GPC6: variants seen among roughly 807,000 people sequenced by gnomAD.
The protein encoded by GPC6 is glypican 6.
A neutral mutation model predicts 55.2 loss-of-function variants in GPC6; 14 were observed. The observed-to-expected ratio is 0.25, with a 90% CI of 0.17 to 0.40. The LOEUF (loss-of-function observed/expected upper bound fraction) is 0.40. Among genes scored for constraint, GPC6 ranks in the 10% least tolerant of loss-of-function variants. GPC6 has a pLI of 1.00. For missense variants in GPC6, 641 were observed against 708.5 expected, an observed-to-expected ratio of 0.90 and a Z score of 1.08; for synonymous variants, 278 against 259.6, an observed-to-expected ratio of 1.07 and a Z score of -0.68.
At chr13:94,245,018 A>G (rs1891156435) in intron 4 of GPC6, among the ~76,000 whole-genome samples, 1 of 152,068 alleles carries the variant, frequency 6.6e-6, no homozygotes, top group South Asian at 2.1e-4. Flanking sequence ...TTCCCTGCCT[A>G]CCCCATGGTG....
chr13:93,373,719 T>C lies in GPC6; in HGVS notation c.160+146103T>C, dbSNP rs527804055. Among the ~76,000 whole-genome samples the C allele has an allele frequency of 2.6e-5, 4 of 152,330 alleles. 1 individual carries two copies. Among genetic ancestry groups the C allele is most frequent in the African/African-American group, 9.6e-5 (4 of 41,586 alleles). On this transcript the variant is annotated intron_variant, in intron 1 of 8. Transcript: ENST00000377047. ...AAAGATAGTATTAACTAAACAAATTTATGTTAATCACATAGTTAATTCCTG... is the reference window on the plus strand; with the variant it reads ...AAAGATAGTATTAACTAAACAAATTCATGTTAATCACATAGTTAATTCCTG...
chr13:93,776,448 C>G (rs1427746112), intron 2 of GPC6, among the ~76,000 whole-genome samples: 1 of 152,110 alleles, frequency 6.6e-6, no homozygotes, highest in African/African-American at 2.4e-5. Context: ...TGAACCCACA[C>G]TCTCTTTTTC....
chr13:93,820,385 C>T (rs1010082985), intron 2 of GPC6, among the ~76,000 whole-genome samples: 1 of 151,796 alleles, frequency 6.6e-6, no homozygotes, highest in Non-Finnish European at 1.5e-5. Flanking sequence ...TTCCAATACA[C>T]ATTGAGAGTA....
At chr13:93,498,185 C>T (rs1028352875) in intron 1 of GPC6, among the ~76,000 whole-genome samples, 12 of 152,160 alleles carry the variant, frequency 7.9e-5, no homozygotes, top group African/African-American at 2.9e-4. Context: ...TTCTTAGAAG[C>T]CACTAGACAA....
intron 1 of GPC6, among the ~76,000 whole-genome samples, chr13:93,339,300 A>G (rs966178865): frequency 8.6e-5 from 13 of 151,154 alleles, no homozygotes; most frequent in East Asian, 1.9e-4. Flanking sequence ...CTTATATTCC[A>G]TATTTTGAAA....
chr13:93,361,121 C>T (rs1159851850), intron 1 of GPC6, among the ~76,000 whole-genome samples: 1 of 152,146 alleles, frequency 6.6e-6, no homozygotes, highest in East Asian at 1.9e-4. Context: ...TCAAGTGGCC[C>T]ATGCTTTAGC....
intron 2 of GPC6, among the ~76,000 whole-genome samples, chr13:93,637,027 A>G (rs1879730340): frequency 6.6e-6 from 1 of 152,024 alleles, no homozygotes; most frequent in Non-Finnish European, 1.5e-5. Context: ...AAGGAGTGCA[A>G]AATGCTAGGC....
At chr13:94,198,910 G>A (rs11840269) in intron 4 of GPC6, among the ~76,000 whole-genome samples, 37 of 152,138 alleles carry the variant, frequency 2.4e-4, no homozygotes, top group Admixed American at 7.2e-4. Context: ...TCTTTCCATC[G>A]TATGGCACAG....
chr13:94,289,226 C>A (rs183484921), intron 5 of GPC6, among the ~76,000 whole-genome samples: 12 of 151,966 alleles, frequency 7.9e-5, no homozygotes, highest in Middle Eastern at 3.4e-3. Context: ...CTTCTCAAGT[C>A]CGACAGAGCT....
At position 94,122,247 on chromosome 13, in the gene GPC6, G is replaced by A. The variant is rs116246828; in HGVS notation, c.877+94353G>A. Among the ~76,000 whole-genome samples, 868 of 152,146 alleles carry A rather than the reference G, an allele frequency of 5.7e-3. 11 individuals are homozygous for A. Among genetic ancestry groups the A allele is most frequent in the African/African-American group, 0.02 (834 of 41,534 alleles). On this transcript the variant is annotated intron_variant, in intron 4 of 8. Transcript: ENST00000377047. Reference sequence around the variant, plus strand: ...GAAACTACTGTGTGCCATGTTTTGTGTTGGGCACTTTGCAGGCTTTTCTCA... The same window carrying A: ...GAAACTACTGTGTGCCATGTTTTGTATTGGGCACTTTGCAGGCTTTTCTCA...
At chr13:93,930,077 A>G (rs1435157375) in intron 3 of GPC6, among the ~76,000 whole-genome samples, 1 of 152,026 alleles carries the variant, frequency 6.6e-6, no homozygotes, top group African/African-American at 2.4e-5. Flanking sequence ...ATGCCAAGAC[A>G]AAACACACAC....
intron 4 of GPC6, among the ~76,000 whole-genome samples, chr13:94,090,866 A>G (rs1403960024): frequency 6.6e-6 from 1 of 152,130 alleles, no homozygotes; most frequent in African/African-American, 2.4e-5. Context: ...ACCTGCCAAT[A>G]TATTGTAATG....
chr13:93,777,967 C>T (rs1885521540), intron 2 of GPC6, among the ~76,000 whole-genome samples: 3 of 152,160 alleles, frequency 2.0e-5, no homozygotes. Flanking sequence ...CAGAAGAACA[C>T]TCAGTGTAAG....
intron 2 of GPC6, among the ~76,000 whole-genome samples, chr13:93,590,314 A>G (rs758469969): frequency 2.0e-5 from 3 of 152,208 alleles, no homozygotes; most frequent in African/African-American, 7.2e-5. Context: ...TGTTCGTCTT[A>G]TCTAATGAAT....
chr13:94,280,427 C>G (rs1289951038), intron 4 of GPC6, among the ~76,000 whole-genome samples: 3 of 152,132 alleles, frequency 2.0e-5, no homozygotes, highest in Non-Finnish European at 4.4e-5. Context: ...CCAGCCTCTC[C>G]TGAAACACAT....
At chr13:93,497,642 T>C (rs1352603165) in intron 1 of GPC6, among the ~76,000 whole-genome samples, 1 of 152,220 alleles carries the variant, frequency 6.6e-6, no homozygotes, top group Admixed American at 6.5e-5. Flanking sequence ...GTTGATATAG[T>C]TTGAAGCTGA....
At chr13:93,555,172 A>T (rs1875390715) in intron 2 of GPC6, among the ~76,000 whole-genome samples, 1 of 152,124 alleles carries the variant, frequency 6.6e-6, no homozygotes, top group African/African-American at 2.4e-5. Context: ...TCATTACAGG[A>T]TTTAGTTCTC....
intron 2 of GPC6, among the ~76,000 whole-genome samples, chr13:93,815,439 A>G (rs900581912): frequency 7.9e-5 from 12 of 152,172 alleles, no homozygotes; most frequent in Admixed American, 3.3e-4. Context: ...ATATAATTTT[A>G]ACATGATGAA....
At chr13:94,129,399 T>G (rs1014873943) in intron 4 of GPC6, among the ~76,000 whole-genome samples, 1 of 152,112 alleles carries the variant, frequency 6.6e-6, no homozygotes. Flanking sequence ...AAGGGACTTA[T>G]GGAAGACCTG....
Sources: gnomAD v4.1 joint callset for allele counts (sites outside exome capture counted in the v4.1 genomes callset) on GRCh38, gnomAD v4.1.1 for gene constraint, MANE v1.5 for transcripts, NCBI Gene and HGNC (gene_info 2026-07-23, HGNC 2026-07-21) for gene names.